Variants in MTMR14 observed in about 807,000 individuals in gnomAD.
The protein encoded by MTMR14 is phosphatidylinositol-3,5-bisphosphate 3-phosphatase MTMR14.
In MTMR14, 48 loss-of-function variants were observed where a neutral mutation model predicts 86.3. The ratio of observed to expected loss-of-function variants is 0.56; its 90% CI spans 0.44 to 0.71. MTMR14 has a LOEUF of 0.71. Ranked by LOEUF, MTMR14 falls within the 30% of genes least tolerant of loss-of-function variation. The pLI is 0.00. For synonymous variants in MTMR14, 366 were observed against 326.1 expected (o/e 1.12, Z -1.32); for missense variants, 780 against 834.6 (o/e 0.93, Z 0.81).
chr3:9,672,809 G>A, intron 7 of MTMR14, 51 bp downstream of exon 7: 1 of 1,550,344 alleles, frequency 6.5e-7, no homozygotes, highest in South Asian at 1.1e-5. Context: ...GGACCTTGGG[G>A]GCCATGAGCA....
intron 9 of MTMR14, 89 bp downstream of exon 9, chr3:9,678,147 G>A: frequency 7.3e-7 from 1 of 1,362,612 alleles, no homozygotes; most frequent in East Asian, 2.4e-5. Flanking sequence ...GCCCTCGTGT[G>A]TTTGCCTGAT....
intron 2 of MTMR14, among the ~76,000 whole-genome samples, chr3:9,659,415 A>T (rs1368625639): frequency 2.6e-5 from 4 of 152,120 alleles, no homozygotes; most frequent in Non-Finnish European, 5.9e-5. Flanking sequence ...AAAACAGGAA[A>T]AAGTGAGAGA....
At chr3:9,667,978 C>A (rs1290312588) in intron 3 of MTMR14, among the ~76,000 whole-genome samples, 2 of 152,188 alleles carry the variant, frequency 1.3e-5, no homozygotes, top group African/African-American at 2.4e-5. Context: ...TAGCTAAATT[C>A]TGGGCTGGTT....
intron 17 of MTMR14, among the ~76,000 whole-genome samples, chr3:9,696,347 C>CA (rs1184749898): frequency 2.0e-5 from 3 of 151,932 alleles, no homozygotes; most frequent in Non-Finnish European, 4.4e-5. Context: ...AAAATAGACA[C>CA]AAAAAAATTA....
chr3:9,653,138 G>A (rs1243599794), intron 1 of MTMR14, among the ~76,000 whole-genome samples: 2 of 152,130 alleles, frequency 1.3e-5, no homozygotes, highest in Non-Finnish European at 2.9e-5. Flanking sequence ...CTCGGGGTGA[G>A]ACAGGAGAAT....
Position 9,669,492 on chromosome 3 carries a change from G to A in MTMR14, c.554G>A (p.Arg185Gln), listed in dbSNP as rs2048452742. ...GTCACGGAGGAGGACTGTGCTCTTC[G>A]GTCAGTGCTGGGTTGCTGTGGTCAG... ...EDVTEEDCAL[R>Q]SGDTHLFDKV... The change falls in exon 5 of 19, where the codon CGA becomes CAA. Residue 185 changes from arginine (R) to glutamine (Q), a missense_variant and splice_region_variant. Physicochemically the swap from Arg to Gln is conservative, Grantham distance 43. Coordinates refer to ENST00000296003, the MANE Select transcript of MTMR14 (RefSeq NM_001077525.3). 11 of 1,613,004 alleles carry A rather than the reference G, an allele frequency of 6.8e-6. No homozygotes were observed. Among genetic ancestry groups the A allele is most frequent in the Middle Eastern group, 1.7e-4 (1 of 6,052 alleles).
intron 17 of MTMR14, among the ~76,000 whole-genome samples, chr3:9,697,508 G>C (rs551430094): frequency 6.6e-6 from 1 of 152,156 alleles, no homozygotes; most frequent in South Asian, 2.1e-4. Context: ...ACAAAATACT[G>C]TCCTCACAGC....
Position 9,698,626 on chromosome 3 carries a change from C to T in MTMR14, c.1769+760C>T, listed in dbSNP as rs540047591. Among the ~76,000 whole-genome samples, 6 of 152,314 alleles carry T rather than the reference C, an allele frequency of 3.9e-5. No homozygotes were observed. The South Asian group carries it at 1.0e-3, about 26-fold the overall frequency. On this transcript the variant is annotated intron_variant, in intron 18 of 18. Transcript: ENST00000296003. Reference sequence around the variant, plus strand: ...CCACCAGCACCGCAATCCAGCTCATCCCCCCACCCCTGTTGGCAGGTGGGA... The same window carrying T: ...CCACCAGCACCGCAATCCAGCTCATTCCCCCACCCCTGTTGGCAGGTGGGA...
At chr3:9,695,992 G>A (rs758707839) in intron 17 of MTMR14, among the ~76,000 whole-genome samples, 11 of 152,088 alleles carry the variant, frequency 7.2e-5, no homozygotes, top group Admixed American at 1.3e-4. Flanking sequence ...GGGCCCTAGG[G>A]GCTTCCGTCA....
chr3:9,690,395 G>C (rs7615761), intron 17 of MTMR14, among the ~76,000 whole-genome samples: 5,921 of 152,292 alleles, frequency 0.039, 383 homozygotes, highest in African/African-American at 0.13. Flanking sequence ...TATGTGATAG[G>C]TGGGGAATAG....
intron 12 of MTMR14, 80 bp downstream of exon 12, chr3:9,685,044 G>A: frequency 6.6e-7 from 1 of 1,519,828 alleles, no homozygotes. Context: ...CCCTTGACAG[G>A]GGCTGGAGGT....
At chr3:9,675,531 G>A (rs915656238) in intron 7 of MTMR14, 13 of 456,440 alleles carry the variant, frequency 2.8e-5, no homozygotes, top group Middle Eastern at 3.2e-4. Flanking sequence ...TTCTGGGATC[G>A]TTTCTTTCAG....
At chr3:9,681,295 C>G (rs1035828265) in intron 9 of MTMR14, among the ~76,000 whole-genome samples, 4 of 152,294 alleles carry the variant, frequency 2.6e-5, no homozygotes, top group Admixed American at 2.0e-4. Context: ...TGTCCTAAGA[C>G]CCCTCCCTGG....
intron 1 of MTMR14, among the ~76,000 whole-genome samples, chr3:9,652,129 C>G (rs1179283642): frequency 6.6e-5 from 10 of 152,126 alleles, no homozygotes; most frequent in Non-Finnish European, 1.5e-4. Context: ...TGCACCCAGC[C>G]TAATTTTTGT....
chr3:9,652,952 A>G (rs573564099), intron 1 of MTMR14, among the ~76,000 whole-genome samples: 1 of 152,138 alleles, frequency 6.6e-6, no homozygotes, highest in African/African-American at 2.4e-5. Context: ...TTAAAAAAAT[A>G]AAGGCCGGGT....
chr3:9,671,755 A>G (rs1368786111), intron 6 of MTMR14, among the ~76,000 whole-genome samples: 1 of 152,212 alleles, frequency 6.6e-6, no homozygotes, highest in Non-Finnish European at 1.5e-5. Flanking sequence ...AAATTCAAAT[A>G]TAAGAAGTCA....
At chr3:9,654,214 CTG>C (rs2047469458) in intron 2 of MTMR14, among the ~76,000 whole-genome samples, 1 of 152,214 alleles carries the variant, frequency 6.6e-6, no homozygotes, top group African/African-American at 2.4e-5. Context: ...GGCTGTGTAA[CTG>C]ATGCTGGGCA....
chr3:9,649,555 G>C lies in MTMR14; in HGVS notation c.-29G>C. 1 of 1,530,102 alleles carries C rather than the reference G, an allele frequency of 6.5e-7. No homozygotes were observed. The highest frequency in any genetic ancestry group is 1.2e-5 in the South Asian group (1 of 82,200). 94.8% of individuals were successfully genotyped at this position (1,530,102 alleles called of 1,614,324 possible). ...AGGCAGGTGCCATGGGCCCGCTTGA[G>C]GCACACTGAGGGGACGCGGGGCTGG... On this transcript the variant is annotated 5_prime_UTR_variant, in exon 1 of 19. Coordinates refer to ENST00000296003, the MANE Select transcript of MTMR14 (RefSeq NM_001077525.3).
At chr3:9,672,841 C>A in intron 7 of MTMR14, 83 bp downstream of exon 7, 3 of 1,301,442 alleles carry the variant, frequency 2.3e-6, no homozygotes, top group Non-Finnish European at 3.4e-6. Context: ...CTTAGTTACA[C>A]TGGCGCCCTG....
Sources: gnomAD v4.1 joint callset for allele counts (sites outside exome capture counted in the v4.1 genomes callset) on GRCh38, gnomAD v4.1.1 for gene constraint, MANE v1.5 for transcripts, NCBI Gene and HGNC (gene_info 2026-07-23, HGNC 2026-07-21) for gene names.